Variants in CNMD observed in about 807,000 individuals in gnomAD.
CNMD encodes the protein leukocyte cell-derived chemotaxin 1.
CNMD carries 30 observed loss-of-function variants against 37.5 expected under a neutral mutation model. That is an observed-to-expected ratio of 0.80 (90% CI 0.60 to 1.09). CNMD has a LOEUF of 1.09. Ranked by LOEUF, CNMD falls within the 50% of genes least tolerant of loss-of-function variation. The pLI is 0.00. For synonymous variants in CNMD, 167 were observed against 148.2 expected, an observed-to-expected ratio of 1.13 and a Z score of -0.92; for missense variants, 398 against 423.9, an observed-to-expected ratio of 0.94 and a Z score of 0.54.
intron 5 of CNMD, among the ~76,000 whole-genome samples, chr13:52,711,722 T>C (rs1000232735): frequency 6.6e-6 from 1 of 152,200 alleles, no homozygotes; most frequent in Non-Finnish European, 1.5e-5. Flanking sequence ...TTGTAAAATA[T>C]ACATAACGAA....
chr13:52,718,197 A>C (rs762688451), intron 4 of CNMD, among the ~76,000 whole-genome samples: 19 of 151,990 alleles, frequency 1.3e-4, no homozygotes, highest in Non-Finnish European at 2.6e-4. Flanking sequence ...TATCCCCCTT[A>C]TCATTTTTTA....
chr13:52,726,441 A>G (rs1594286539), intron 3 of CNMD, among the ~76,000 whole-genome samples: 1 of 152,110 alleles, frequency 6.6e-6, no homozygotes, highest in Non-Finnish European at 1.5e-5. Flanking sequence ...ACTTCAGAAC[A>G]GTCTTCATTA....
intron 4 of CNMD, among the ~76,000 whole-genome samples, chr13:52,721,607 C>T (rs551377625): frequency 6.6e-6 from 1 of 152,348 alleles, no homozygotes; most frequent in Admixed American, 6.5e-5. Flanking sequence ...TTGGCTTGCC[C>T]TCTGTGGGCT....
chr13:52,708,891 CAGAT>C (rs2138221634), intron 5 of CNMD, among the ~76,000 whole-genome samples, 189 bp from the exon 6 acceptor site: 1 of 152,254 alleles, frequency 6.6e-6, no homozygotes, highest in South Asian at 2.1e-4. Flanking sequence ...GTTAAACATA[CAGAT>C]AATCTGAATT....
rs1253063171 is a variant in CNMD at position 52,733,272 on chromosome 13, AG to A, written c.300del (p.Phe101LeufsTer37). The A allele has an allele frequency of 6.2e-7, 1 of 1,613,942 alleles. No individual in the cohort carries two copies. Among genetic ancestry groups the A allele is most frequent in the African/African-American group, 1.3e-5 (1 of 74,948 alleles). On this transcript the variant is annotated frameshift_variant, in exon 3 of 7. Coordinates refer to ENST00000377962, the MANE Select transcript of CNMD (RefSeq NM_007015.3). LOFTEE classifies it high-confidence loss of function. ...TCTTCAGCTCCACTTCCCATTTTAA[AG>A]GTCTCCAAGTTGTTCCCAGCGTCTA... The part of the protein sequence containing the change: ...MEIDAGNNLE[T>X]FKMGSGAEEA...
chr13:52,719,639 G>C (rs955410329), intron 4 of CNMD, among the ~76,000 whole-genome samples: 19 of 152,052 alleles, frequency 1.2e-4, no homozygotes, highest in African/African-American at 4.6e-4. Flanking sequence ...TTCTTGAAGA[G>C]GTTGAATATT....
intron 4 of CNMD, 103 bp downstream of exon 4, chr13:52,723,894 C>CAATAAA (rs915501193): frequency 1.4e-4 from 104 of 747,098 alleles, no homozygotes; most frequent in Non-Finnish European, 1.8e-4. Context: ...GACTCTGTCT[C>CAATAAA]AATAAAAATA....
chr13:52,712,268 C>T (rs1037966822), intron 5 of CNMD, among the ~76,000 whole-genome samples: 1 of 152,232 alleles, frequency 6.6e-6, no homozygotes, highest in Non-Finnish European at 1.5e-5. Flanking sequence ...TGAGAGGAAT[C>T]TCAGCCAATA....
chr13:52,735,019 C>A (rs1340062049), intron 2 of CNMD, among the ~76,000 whole-genome samples: 2 of 152,172 alleles, frequency 1.3e-5, no homozygotes, highest in Non-Finnish European at 2.9e-5. Context: ...ATTGCCCCTC[C>A]TTCCCTGTCT....
chr13:52,734,985 C>T (rs1041875282), intron 2 of CNMD, among the ~76,000 whole-genome samples: 1 of 152,186 alleles, frequency 6.6e-6, no homozygotes, highest in Non-Finnish European at 1.5e-5. Flanking sequence ...ATACCAGTGT[C>T]CTTTTTCAGC....
intron 3 of CNMD, among the ~76,000 whole-genome samples, chr13:52,731,586 A>T (rs1171532093): frequency 1.3e-5 from 2 of 152,258 alleles, no homozygotes; most frequent in African/African-American, 4.8e-5. Flanking sequence ...TTGGTCTATG[A>T]GAACAAAACA....
intron 4 of CNMD, among the ~76,000 whole-genome samples, chr13:52,717,807 T>G (rs1200057461): frequency 1.3e-5 from 2 of 152,178 alleles, no homozygotes; most frequent in African/African-American, 4.8e-5. Flanking sequence ...AATTTTCTTT[T>G]TTTGTTGTGT....
chr13:52,738,063 G>A (rs769458497), intron 2 of CNMD, among the ~76,000 whole-genome samples: 1 of 152,214 alleles, frequency 6.6e-6, no homozygotes, highest in Non-Finnish European at 1.5e-5. Context: ...TGTAAGTACT[G>A]GAATTCGTTC....
At chr13:52,724,630 T>C (rs1964542850) in intron 3 of CNMD, among the ~76,000 whole-genome samples, 1 of 151,892 alleles carries the variant, frequency 6.6e-6, no homozygotes, top group South Asian at 2.1e-4. Flanking sequence ...CAGCCGGACA[T>C]GGTGGCTTAT....
At chr13:52,715,355 A>AT (rs1326464893) in intron 4 of CNMD, among the ~76,000 whole-genome samples, 1 of 151,916 alleles carries the variant, frequency 6.6e-6, no homozygotes, top group East Asian at 1.9e-4. Context: ...AACTGTTTTA[A>AT]TTTTTTTAAA....
rs1016067318 is a variant in CNMD at position 52,739,370 on chromosome 13, G to A, written c.73-199C>T. The stretch of plus-strand genomic sequence containing the variant: ...GCAGTCGGGCGTGGAAGTGGGATGA[G>A]CAAACCCCGCAGCACAGGGCCTTCG... On this transcript the variant is annotated intron_variant, in intron 1 of 6. Coordinates refer to ENST00000377962, the MANE Select transcript of CNMD (RefSeq NM_007015.3). This position sits in a 1 kb window ranked among gnomAD's most constrained non-coding sequence, Gnocchi z 5.4. 25 of 695,404 alleles carry A rather than the reference G, an allele frequency of 3.6e-5. No individual in the cohort carries two copies. The highest frequency in any genetic ancestry group is 2.8e-4 in the African/African-American group (15 of 53,342). The allele number at this position is 695,404 out of a possible 1,614,324, so 43.1% of individuals were successfully genotyped here. A position where few individuals can be genotyped will look rare whatever the true frequency, so the allele number is the denominator to read the frequency against.
intron 4 of CNMD, among the ~76,000 whole-genome samples, chr13:52,716,460 T>A (rs965828834): frequency 4.6e-5 from 7 of 152,216 alleles, no homozygotes; most frequent in Middle Eastern, 3.2e-3. Context: ...TAGGTTTTCT[T>A]CTAGGGTTTT....
intron 3 of CNMD, among the ~76,000 whole-genome samples, chr13:52,730,221 A>G (rs1205598317): frequency 6.6e-6 from 1 of 151,880 alleles, no homozygotes; most frequent in Non-Finnish European, 1.5e-5. Context: ...CCAGTCTATC[A>G]TTGTTGGACA....
chr13:52,727,907 A>G (rs1964602190), intron 3 of CNMD, among the ~76,000 whole-genome samples: 1 of 152,188 alleles, frequency 6.6e-6, no homozygotes, highest in African/African-American at 2.4e-5. Context: ...TGGGGTGACT[A>G]TAGTTAGCAA....
Sources: gnomAD v4.1 joint callset for allele counts (sites outside exome capture counted in the v4.1 genomes callset) on GRCh38, gnomAD v4.1.1 for gene constraint, Gnocchi (gnomAD v3.1) non-coding constraint, MANE v1.5 for transcripts, NCBI Gene and HGNC (gene_info 2026-07-23, HGNC 2026-07-21) for gene names.